The following RYR2 variants were observed in gnomAD, a reference collection of about 807,000 sequenced individuals.
RYR2 encodes the protein cardiac muscle ryanodine receptor-calcium release channel.
RYR2 carries 227 observed loss-of-function variants against 601.1 expected under a neutral mutation model. The ratio of observed to expected loss-of-function variants is 0.38; its 90% CI spans 0.34 to 0.42. RYR2 has a LOEUF of 0.42. Among genes scored for constraint, RYR2 ranks in the 10% least tolerant of loss-of-function variants. RYR2 has a pLI of 1.00. For missense variants in RYR2, 4,646 were observed against 6,156.5 expected (o/e 0.75, Z 8.21); for synonymous variants, 2,223 against 2,175.1 (o/e 1.02, Z -0.61).
chr1:237,370,768 C>A (rs1700576512), intron 6 of RYR2, among the ~76,000 whole-genome samples: 1 of 150,344 alleles, frequency 6.7e-6, no homozygotes, highest in African/African-American at 2.4e-5. Flanking sequence ...TCACGCCATT[C>A]TCCTGCCTCA....
intron 63 of RYR2, among the ~76,000 whole-genome samples, chr1:237,692,057 A>G (rs1468126785): frequency 1.3e-5 from 2 of 152,208 alleles, no homozygotes; most frequent in African/African-American, 2.4e-5. Flanking sequence ...AATCATTTTT[A>G]GAGGAAGCAG....
intron 24 of RYR2, among the ~76,000 whole-genome samples, chr1:237,523,193 A>G (rs929629501): frequency 1.3e-5 from 2 of 152,222 alleles, no homozygotes; most frequent in Non-Finnish European, 2.9e-5. Context: ...TATCCAAAAC[A>G]TGACCTATTA....
intron 1 of RYR2, among the ~76,000 whole-genome samples, chr1:237,243,574 C>G (rs1031465795): frequency 2.0e-5 from 3 of 152,154 alleles, no homozygotes; most frequent in Non-Finnish European, 2.9e-5. Flanking sequence ...AACCAGGACT[C>G]TTGGGTTTTT....
chr1:237,185,726 C>A (rs1266884263), intron 1 of RYR2, among the ~76,000 whole-genome samples: 3 of 152,206 alleles, frequency 2.0e-5, no homozygotes, highest in East Asian at 3.9e-4. Context: ...TGGCATTGAT[C>A]AGTGCTGTGG....
chr1:237,232,563 G>A (rs1311629421), intron 1 of RYR2, among the ~76,000 whole-genome samples: 1 of 152,082 alleles, frequency 6.6e-6, no homozygotes, highest in Non-Finnish European at 1.5e-5. Flanking sequence ...GTTTCTCTGA[G>A]TTTCGTGAGC....
intron 29 of RYR2, among the ~76,000 whole-genome samples, chr1:237,581,672 G>A (rs1842085): frequency 0.32 from 48,654 of 152,010 alleles, 8,357 homozygotes; most frequent in East Asian, 0.67. Context: ...TTTTCAACAT[G>A]GTGTGAATTA....
intron 85 of RYR2, among the ~76,000 whole-genome samples, chr1:237,771,229 C>T (rs563825798): frequency 6.4e-4 from 97 of 151,898 alleles, no homozygotes; most frequent in African/African-American, 2.1e-3. Flanking sequence ...GGAAACATAG[C>T]GAGACCCCCA....
chr1:237,480,762 C>A (rs983681428), intron 17 of RYR2, among the ~76,000 whole-genome samples: 4 of 152,142 alleles, frequency 2.6e-5, no homozygotes, highest in Admixed American at 6.5e-5. Flanking sequence ...ATAAAAGACT[C>A]TTGGTCCATC....
At chr1:237,506,842 A>G (rs992168032) in intron 23 of RYR2, 28 bp downstream of exon 23, 7 of 1,521,766 alleles carry the variant, frequency 4.6e-6, no homozygotes, top group Middle Eastern at 3.4e-4. Context: ...TTATTTTCAG[A>G]TTCTGTGAAT....
chr1:237,642,405 G>C (rs1032477820), intron 47 of RYR2, among the ~76,000 whole-genome samples: 1 of 152,118 alleles, frequency 6.6e-6, no homozygotes, highest in Non-Finnish European at 1.5e-5. Context: ...AAAAATTTCT[G>C]TGCTGGAGGT....
At chr1:237,232,118 C>G (rs1279095665) in intron 1 of RYR2, among the ~76,000 whole-genome samples, 1 of 152,138 alleles carries the variant, frequency 6.6e-6, no homozygotes, top group Non-Finnish European at 1.5e-5. Flanking sequence ...GTACATAACT[C>G]CTAAAATCCT....
intron 17 of RYR2, among the ~76,000 whole-genome samples, chr1:237,488,268 T>C (rs1445006516): frequency 6.6e-6 from 1 of 152,186 alleles, no homozygotes; most frequent in Non-Finnish European, 1.5e-5. Flanking sequence ...TAGCAAAATA[T>C]CACAAACTGG....
At chr1:237,609,833 T>C (rs1677627156) in intron 35 of RYR2, among the ~76,000 whole-genome samples, 1 of 152,214 alleles carries the variant, frequency 6.6e-6, no homozygotes, top group South Asian at 2.1e-4. Context: ...TACTTATTGA[T>C]TTTATTTCAT....
intron 1 of RYR2, among the ~76,000 whole-genome samples, chr1:237,203,037 A>T (rs952921687): frequency 1.3e-5 from 2 of 152,176 alleles, no homozygotes; most frequent in African/African-American, 4.8e-5. Context: ...TGTGGCCCAG[A>T]CAGCAGCTTC....
rs149988728 is a variant in RYR2 at position 237,710,677 on chromosome 1, A to C, written c.10231-1068A>C. 4.0e-3 allele frequency among the ~76,000 whole-genome samples: 600 copies of C among 151,102 alleles called. 8 individuals carry two copies. The highest frequency in any genetic ancestry group is 0.014 in the African/African-American group (568 of 40,904). On this transcript the variant is annotated intron_variant, in intron 70 of 104. Coordinates refer to ENST00000366574, the MANE Select transcript of RYR2 (RefSeq NM_001035.3). ...GAAGGAAAATTCAAAATCCACTGTA[A>C]AAAGATAAATAGATTAGGTATGTAG...
At chr1:237,515,658 TTC>T (rs2147801956) in intron 24 of RYR2, among the ~76,000 whole-genome samples, 1 of 12,852 alleles carries the variant, frequency 7.8e-5, no homozygotes, top group Non-Finnish European at 1.4e-4. Flanking sequence ...TTCCCTCCCC[TTC>T]CCCTCCCTTT....
intron 25 of RYR2, among the ~76,000 whole-genome samples, chr1:237,544,416 TG>T (rs1253689053): frequency 6.6e-6 from 1 of 152,202 alleles, no homozygotes; most frequent in Non-Finnish European, 1.5e-5. Flanking sequence ...ATGAGCTATA[TG>T]TTTTTTGTAT....
chr1:237,495,113 T>C (rs1037591573), intron 19 of RYR2, among the ~76,000 whole-genome samples: 22 of 152,284 alleles, frequency 1.4e-4, no homozygotes, highest in Non-Finnish European at 1.2e-4. Context: ...AAATATATAA[T>C]ATACATATAT....
chr1:237,463,105 A>G (rs1382585), intron 16 of RYR2, among the ~76,000 whole-genome samples: 75,238 of 151,844 alleles, frequency 0.5, 19,636 homozygotes, highest in East Asian at 0.75. Context: ...AATGGGTTTT[A>G]TTTTTTTCAG....
Sources: allele counts gnomAD v4.1 joint callset (sites outside exome capture counted in the v4.1 genomes callset), GRCh38; gene constraint gnomAD v4.1.1; transcripts MANE v1.5; gene names NCBI Gene and HGNC (gene_info 2026-07-23, HGNC 2026-07-21).